The following STK39 variants were observed in gnomAD, a reference collection of about 807,000 sequenced individuals.
STK39 encodes STE20/SPS1-related proline-alanine-rich protein kinase.
In STK39, 20 loss-of-function variants were observed where a neutral mutation model predicts 77.8. The ratio of observed to expected loss-of-function variants is 0.26; its 90% CI spans 0.18 to 0.37. The LOEUF is 0.37. Ranked by LOEUF, STK39 falls within the 10% of genes least tolerant of loss-of-function variation. The pLI, the probability that STK39 is intolerant of heterozygous loss-of-function variation, is 1.00. For missense variants in STK39, 479 were observed against 656.5 expected (o/e 0.73, Z 2.95); for synonymous variants, 246 against 234.1 (o/e 1.05, Z -0.47).
intron 14 of STK39, among the ~76,000 whole-genome samples, chr2:168,024,254 G>A (rs983211479): frequency 2.0e-5 from 3 of 152,200 alleles, no homozygotes; most frequent in Non-Finnish European, 4.4e-5. Flanking sequence ...AGGAGATAAT[G>A]TGACCCATGC....
intron 1 of STK39, among the ~76,000 whole-genome samples, chr2:168,230,133 T>C (rs1056061034): frequency 1.3e-5 from 2 of 152,206 alleles, no homozygotes; most frequent in African/African-American, 4.8e-5. Context: ...GGCAAGGAAT[T>C]TGCAAAATGG....
intron 5 of STK39, among the ~76,000 whole-genome samples, chr2:168,147,105 C>G (rs1054626020): frequency 1.3e-5 from 2 of 152,184 alleles, no homozygotes; most frequent in African/African-American, 4.8e-5. Flanking sequence ...TCCGCAACTC[C>G]TAAGCTCTTC....
chr2:167,987,380 C>A (rs1683587570), intron 16 of STK39, among the ~76,000 whole-genome samples: 1 of 152,064 alleles, frequency 6.6e-6, no homozygotes, highest in African/African-American at 2.4e-5. Flanking sequence ...GATAGCATCA[C>A]CCCTCTTCGT....
At chr2:168,091,361 C>T (rs1320445898) in intron 10 of STK39, among the ~76,000 whole-genome samples, 1 of 152,220 alleles carries the variant, frequency 6.6e-6, no homozygotes, top group Non-Finnish European at 1.5e-5. Context: ...AAGTTATCTT[C>T]TCATGTCTCT....
chr2:168,236,473 A>G (rs560880132), intron 1 of STK39, among the ~76,000 whole-genome samples: 46 of 152,240 alleles, frequency 3.0e-4, no homozygotes, highest in African/African-American at 1.1e-3. Flanking sequence ...CCATTTGTCA[A>G]TTTTGGCTTT....
chr2:168,081,029 G>A (rs1380063811), intron 10 of STK39, among the ~76,000 whole-genome samples: 4 of 152,188 alleles, frequency 2.6e-5, no homozygotes, highest in African/African-American at 4.8e-5. Flanking sequence ...GCAGGGGTGG[G>A]GCTCTCATGA....
chr2:168,065,086 C>T (rs568131788), intron 13 of STK39, among the ~76,000 whole-genome samples: 1 of 152,240 alleles, frequency 6.6e-6, no homozygotes, highest in East Asian at 1.9e-4. Flanking sequence ...TTCTTTTCCA[C>T]AGTACCAGCA....
chr2:168,235,274 G>T lies in STK39; in HGVS notation c.208+11954C>A, dbSNP rs191117103. On this transcript the variant is annotated intron_variant, in intron 1 of 17. Coordinates refer to ENST00000355999, the MANE Select transcript of STK39 (RefSeq NM_013233.3). ...AGGCTGGTCTCGAACTCCTGACCTT[G>T]GGATCTGCCTGTCTCAGCCTCCTGA... Among the ~76,000 whole-genome samples, 6 of 152,108 alleles carry T rather than the reference G, an allele frequency of 3.9e-5. No individual in the cohort carries two copies. In the East Asian group the frequency reaches 1.2e-3, roughly 29 times the overall value.
rs112289970 is a variant in STK39, at chr2:168,090,362, C to T, written c.1090-15131G>A. Among the ~76,000 whole-genome samples, 12 of 152,302 alleles carry T rather than the reference C, an allele frequency of 7.9e-5. 3 individuals carry two copies. The highest frequency in any genetic ancestry group is 2.6e-4 in the African/African-American group (11 of 41,566). ...AGAAGGTCTTGCCAGAGCAAACCTG[C>T]ACCACAAGGAAACTTCTCCCCATCT... On this transcript the variant is annotated intron_variant, in intron 10 of 17. Coordinates refer to ENST00000355999, the MANE Select transcript of STK39 (RefSeq NM_013233.3).
At chr2:168,164,174 A>C (rs1389236110) in intron 3 of STK39, among the ~76,000 whole-genome samples, 1 of 152,156 alleles carries the variant, frequency 6.6e-6, no homozygotes, top group Non-Finnish European at 1.5e-5. Flanking sequence ...TATTTCTCAC[A>C]AAAATTCCTA....
chr2:167,991,982 T>C (rs1683710773), intron 16 of STK39, among the ~76,000 whole-genome samples: 1 of 152,226 alleles, frequency 6.6e-6, no homozygotes, highest in Admixed American at 6.5e-5. Flanking sequence ...ATCATATTTG[T>C]CTTTTTGCTT....
chr2:168,247,544 C>CCCGCCGCCGCCACCGCCGCCG lies in STK39; in HGVS notation c.-110_-109insCGGCGGCGGTGGCGGCGGCGG, dbSNP rs1690970210. 4.2e-6 allele frequency: 2 copies of CCCGCCGCCGCCACCGCCGCCG among 478,040 alleles called. No individual in the cohort carries two copies. The highest frequency in any genetic ancestry group is 1.1e-4 in the South Asian group (2 of 19,034). 29.6% of individuals were successfully genotyped at this position (478,040 alleles called of 1,614,324 possible). ...TCTCGGCCGGCGCACGCCCTCCCCGCCCGCCGCCGCCGCCGCCGTCCCCGC... is the reference window on the plus strand; with the variant it reads ...TCTCGGCCGGCGCACGCCCTCCCCGCCCGCCGCCGCCACCGCCGCCGCCGCCGCCGCCGCCGCCGTCCCCGC... On this transcript the variant is annotated 5_prime_UTR_variant, in exon 1 of 18. Coordinates refer to ENST00000355999, the MANE Select transcript of STK39 (RefSeq NM_013233.3).
intron 14 of STK39, among the ~76,000 whole-genome samples, chr2:168,038,207 A>C (rs1305903950): frequency 2.0e-5 from 3 of 152,128 alleles, no homozygotes; most frequent in Admixed American, 2.0e-4. Flanking sequence ...ATGTTAATAC[A>C]TGTATTGCTT....
intron 10 of STK39, among the ~76,000 whole-genome samples, chr2:168,109,618 C>T (rs987983057): frequency 1.3e-5 from 2 of 152,170 alleles, no homozygotes; most frequent in Admixed American, 6.5e-5. Flanking sequence ...ATAACTTTTA[C>T]AGGAAGGTGC....
chr2:167,959,688 T>C (rs1215903808), intron 17 of STK39, among the ~76,000 whole-genome samples: 1 of 152,236 alleles, frequency 6.6e-6, no homozygotes, highest in African/African-American at 2.4e-5. Context: ...AGATGTGTCC[T>C]GTAGCTGAAA....
At chr2:168,225,772 C>T (rs1424764766) in intron 1 of STK39, among the ~76,000 whole-genome samples, 2 of 152,148 alleles carry the variant, frequency 1.3e-5, no homozygotes, top group Non-Finnish European at 2.9e-5. Flanking sequence ...AGTTACTTAC[C>T]TAAGAGCAGT....
At chr2:167,958,346 CATAA>C (rs1691843149) in intron 17 of STK39, among the ~76,000 whole-genome samples, 1 of 152,062 alleles carries the variant, frequency 6.6e-6, no homozygotes, top group African/African-American at 2.4e-5. Flanking sequence ...AATAGGTTTA[CATAA>C]ATTAATTATA....
At chr2:168,174,294 G>C (rs766537596) in intron 2 of STK39, among the ~76,000 whole-genome samples, 2 of 152,140 alleles carry the variant, frequency 1.3e-5, no homozygotes, top group Non-Finnish European at 2.9e-5. Context: ...GAGAAATCCC[G>C]ATGGGCAAAC....
intron 10 of STK39, among the ~76,000 whole-genome samples, chr2:168,080,177 A>C (rs1344277689): frequency 6.6e-6 from 1 of 152,200 alleles, no homozygotes; most frequent in Non-Finnish European, 1.5e-5. Context: ...AGATTGGTAG[A>C]ACTTTGAACT....
Sources: allele counts gnomAD v4.1 joint callset (sites outside exome capture counted in the v4.1 genomes callset), GRCh38; gene constraint gnomAD v4.1.1; transcripts MANE v1.5; gene names NCBI Gene and HGNC (gene_info 2026-07-23, HGNC 2026-07-21).